The following LAMA2 variants were observed in gnomAD, a reference collection of about 807,000 sequenced individuals.
LAMA2 encodes the protein laminin subunit alpha-2.
Under a neutral mutation model 364.8 loss-of-function variants are expected in LAMA2, and 269 were observed. The observed-to-expected ratio is 0.74, with a 90% CI of 0.67 to 0.82. LAMA2 has a LOEUF of 0.82. LAMA2 is among the 40% of genes least tolerant of loss of function. LAMA2 has a pLI of 0.00. For synonymous variants in LAMA2, 1,379 were observed against 1,370.6 expected (o/e 1.01, Z -0.14); for missense variants, 3,807 against 3,873.2 (o/e 0.98, Z 0.45).
chr6:129,384,780 C>A (rs1239805884), intron 35 of LAMA2, among the ~76,000 whole-genome samples: 1 of 151,926 alleles, frequency 6.6e-6, no homozygotes, highest in Admixed American at 6.6e-5. Flanking sequence ...GTCTCTCGTT[C>A]CCTAAATTAT....
chr6:129,185,511 C>A (rs1781172381), intron 10 of LAMA2, among the ~76,000 whole-genome samples: 1 of 151,828 alleles, frequency 6.6e-6, no homozygotes. Flanking sequence ...ATGTCTAAAG[C>A]ACACATTTCT....
At chr6:129,191,101 A>G (rs1044264691) in intron 11 of LAMA2, among the ~76,000 whole-genome samples, 1 of 152,186 alleles carries the variant, frequency 6.6e-6, no homozygotes, top group African/African-American at 2.4e-5. Flanking sequence ...AGAAGTCTAG[A>G]CGGGGGAATG....
At chr6:129,102,130 CTTTTTTTT>C (rs10713380) in intron 4 of LAMA2, among the ~76,000 whole-genome samples, 3 of 130,364 alleles carry the variant, frequency 2.3e-5, no homozygotes, top group Admixed American at 2.3e-4. Flanking sequence ...TTCTTTCTTT[CTTTTTTTT>C]TTTTTTTTGA....
intron 29 of LAMA2, among the ~76,000 whole-genome samples, chr6:129,330,603 T>TTG (rs1554273775): frequency 6.7e-6 from 1 of 148,794 alleles, no homozygotes; most frequent in African/African-American, 2.5e-5. Flanking sequence ...TTTTTGTTTT[T>TTG]TTTTTTTTTT....
In LAMA2 at chr6:129,481,268, T is replaced by G; in HGVS notation, c.7578T>G (p.Val2526=). 6.2e-7 allele frequency: 1 copy of G among 1,613,448 alleles called. No individual in the cohort carries two copies. Among genetic ancestry groups the G allele is most frequent in the Non-Finnish European group, 8.5e-7 (1 of 1,179,444 alleles). Residue 2526 remains valine (V), a synonymous_variant, in exon 55 of 65, where the codon GTT becomes GTG. Transcript: ENST00000421865. ...GVTKGCSLEN[V]YTVSFPKPGF... is the part of the protein sequence containing the mutation. ...TTCTTTTCCTTTACTCACAGAATGT[T>G]TACACAGTTAGCTTTCCTAAGCCTG... is the stretch of plus-strand genomic sequence containing the variant.
intron 3 of LAMA2, among the ~76,000 whole-genome samples, chr6:129,068,390 C>T (rs1016917150): frequency 2.6e-5 from 4 of 152,198 alleles, no homozygotes; most frequent in South Asian, 4.1e-4. Flanking sequence ...GGAGGCTTGA[C>T]GTCCAAGATC....
chr6:129,327,887 A>G (rs1775396749), intron 28 of LAMA2, among the ~76,000 whole-genome samples: 1 of 152,206 alleles, frequency 6.6e-6, no homozygotes, highest in Non-Finnish European at 1.5e-5. Context: ...GTTTCATTGG[A>G]CATTTGCTAG....
intron 4 of LAMA2, among the ~76,000 whole-genome samples, chr6:129,129,940 AAAAT>A (rs1777368554): frequency 6.6e-6 from 1 of 150,440 alleles, no homozygotes; most frequent in Non-Finnish European, 1.5e-5. Context: ...AAAAAAAAAA[AAAAT>A]AACATATTTT....
chr6:128,905,027 A>G (rs1777339714), intron 1 of LAMA2, among the ~76,000 whole-genome samples: 1 of 152,196 alleles, frequency 6.6e-6, no homozygotes, highest in South Asian at 2.1e-4. Context: ...ACCATTTTAT[A>G]ATTTTAGTCG....
intron 1 of LAMA2, chr6:128,929,198 G>A: frequency 6.7e-7 from 1 of 1,489,442 alleles, no homozygotes; most frequent in Non-Finnish European, 9.4e-7. Flanking sequence ...AGAGGCAAGA[G>A]CTCCCACCCA....
intron 1 of LAMA2, among the ~76,000 whole-genome samples, chr6:128,919,149 A>C (rs540365054): frequency 1.3e-5 from 2 of 152,272 alleles, no homozygotes; most frequent in South Asian, 4.1e-4. Context: ...GGCCCAAAAA[A>C]TGCTGGAAGT....
chr6:128,930,307 T>G (rs1340246199), intron 1 of LAMA2, among the ~76,000 whole-genome samples: 1 of 152,254 alleles, frequency 6.6e-6, no homozygotes, highest in Non-Finnish European at 1.5e-5. Flanking sequence ...AACCGCCTCT[T>G]GAGGTGACTG....
intron 17 of LAMA2, among the ~76,000 whole-genome samples, chr6:129,273,023 G>A (rs1788051629): frequency 6.6e-6 from 1 of 152,154 alleles, no homozygotes; most frequent in Admixed American, 6.6e-5. Flanking sequence ...CCTAAGGCAT[G>A]AGCCTGAATG....
chr6:129,252,818 A>G (rs1249740750), intron 14 of LAMA2, among the ~76,000 whole-genome samples: 5 of 152,254 alleles, frequency 3.3e-5, no homozygotes, highest in African/African-American at 7.2e-5. Flanking sequence ...AGGAAAGAAT[A>G]TGAACTTTGG....
chr6:129,114,681 A>T (rs747533240), intron 4 of LAMA2, among the ~76,000 whole-genome samples: 38 of 152,094 alleles, frequency 2.5e-4, no homozygotes, highest in Non-Finnish European at 5.0e-4. Flanking sequence ...TAGTTGAAAG[A>T]CGCTACTGTT....
intron 41 of LAMA2, among the ~76,000 whole-genome samples, chr6:129,430,352 T>A (rs542353031): frequency 1.3e-5 from 2 of 152,280 alleles, no homozygotes; most frequent in South Asian, 4.1e-4. Context: ...TACAGTTCAG[T>A]TAGTTTGTGA....
intron 16 of LAMA2, among the ~76,000 whole-genome samples, chr6:129,269,364 C>CTTTT (rs370461121): frequency 6.9e-6 from 1 of 144,690 alleles, no homozygotes; most frequent in Non-Finnish European, 1.5e-5. Context: ...AAGCTTCCAT[C>CTTTT]TTTTTTTTTT....
intron 12 of LAMA2, among the ~76,000 whole-genome samples, chr6:129,242,377 A>G (rs1009577744): frequency 1.3e-5 from 2 of 152,134 alleles, no homozygotes; most frequent in African/African-American, 2.4e-5. Flanking sequence ...TTCATTTGTT[A>G]TCTATTTGAC....
intron 1 of LAMA2, among the ~76,000 whole-genome samples, chr6:128,961,010 G>A (rs1449854880): frequency 6.6e-6 from 1 of 151,560 alleles, no homozygotes; most frequent in Non-Finnish European, 1.5e-5. Context: ...TGTATGTCAC[G>A]AAAGCATGTT....
Sources: allele counts gnomAD v4.1 joint callset (sites outside exome capture counted in the v4.1 genomes callset), GRCh38; gene constraint gnomAD v4.1.1; transcripts MANE v1.5; gene names NCBI Gene and HGNC (gene_info 2026-07-23, HGNC 2026-07-21).